Variants in TIAM2 observed in about 807,000 individuals in gnomAD.
The protein encoded by TIAM2 is rho guanine nucleotide exchange factor TIAM2.
Under a neutral mutation model 152.9 loss-of-function variants are expected in TIAM2, and 80 were observed. The observed-to-expected ratio is 0.52, with a 90% confidence interval of 0.44 to 0.63. TIAM2 has a LOEUF of 0.63. Among genes scored for constraint, TIAM2 ranks in the 30% least tolerant of loss-of-function variants. The pLI, the probability that TIAM2 is intolerant of heterozygous loss-of-function variation, is 0.00. For synonymous variants in TIAM2, 804 were observed against 838.0 expected (o/e 0.96, Z 0.70); for missense variants, 1,965 against 2,120.1 (o/e 0.93, Z 1.44).
intron 1 of TIAM2, among the ~76,000 whole-genome samples, chr6:154,999,243 C>T (rs1299518634): frequency 4.6e-5 from 7 of 151,960 alleles, no homozygotes; most frequent in Admixed American, 1.3e-4. Flanking sequence ...GACAGAGTCT[C>T]GCTCTGTCAC....
intron 15 of TIAM2, among the ~76,000 whole-genome samples, chr6:155,227,490 G>C (rs917191748): frequency 2.6e-5 from 4 of 152,154 alleles, no homozygotes; most frequent in Non-Finnish European, 4.4e-5. Flanking sequence ...CACGGATCGC[G>C]CCCAGCCCTG....
chr6:155,052,360 A>G (rs988136050), intron 1 of TIAM2, among the ~76,000 whole-genome samples: 3 of 152,166 alleles, frequency 2.0e-5, no homozygotes, highest in African/African-American at 4.8e-5. Flanking sequence ...TTAACATACA[A>G]TTTGAAATTA....
chr6:155,098,242 T>C (rs61106640), intron 2 of TIAM2, among the ~76,000 whole-genome samples: 2,110 of 152,318 alleles, frequency 0.014, 41 homozygotes, highest in African/African-American at 0.047. Context: ...AGGGATTGCA[T>C]TGAATCTGTA....
intron 9 of TIAM2, chr6:155,168,781 G>A (rs1780504250): frequency 7.5e-7 from 1 of 1,334,920 alleles, no homozygotes; most frequent in Non-Finnish European, 1.0e-6. Context: ...TAATGAAAAA[G>A]GGTAGCTGGC....
At chr6:155,001,021 G>A (rs1041641737) in intron 1 of TIAM2, among the ~76,000 whole-genome samples, 25 of 152,168 alleles carry the variant, frequency 1.6e-4, no homozygotes, top group African/African-American at 6.0e-4. Flanking sequence ...TTTCTTTTTA[G>A]ATTGTTGTGA....
At chr6:155,051,745 A>G (rs1342914840) in intron 1 of TIAM2, among the ~76,000 whole-genome samples, 1 of 152,056 alleles carries the variant, frequency 6.6e-6, no homozygotes, top group Non-Finnish European at 1.5e-5. Flanking sequence ...CCCAGGTTCA[A>G]GCAATTCTCC....
chr6:155,246,699 C>A (rs1427047581), intron 19 of TIAM2, among the ~76,000 whole-genome samples: 1 of 152,104 alleles, frequency 6.6e-6, no homozygotes, highest in Non-Finnish European at 1.5e-5. Context: ...CTTGTCAATA[C>A]ATATTGACAG....
intron 5 of TIAM2, among the ~76,000 whole-genome samples, chr6:155,141,598 G>A (rs1367525351): frequency 6.6e-6 from 1 of 152,136 alleles, no homozygotes; most frequent in Non-Finnish European, 1.5e-5. Context: ...TTTCAACAAG[G>A]GTAATTCTGC....
chr6:155,246,483 T>A (rs570426681), intron 19 of TIAM2, among the ~76,000 whole-genome samples: 69 of 152,052 alleles, frequency 4.5e-4, no homozygotes, highest in African/African-American at 1.5e-3. Flanking sequence ...TTTAATTAAA[T>A]TTAATTAATT....
intron 16 of TIAM2, among the ~76,000 whole-genome samples, chr6:155,241,075 G>A (rs887230330): frequency 6.6e-6 from 1 of 152,214 alleles, no homozygotes; most frequent in Non-Finnish European, 1.5e-5. Context: ...GTACATACGT[G>A]ACGGCTGATC....
chr6:155,114,507 G>A (rs1310403203), intron 2 of TIAM2, among the ~76,000 whole-genome samples: 1 of 151,930 alleles, frequency 6.6e-6, no homozygotes, highest in Non-Finnish European at 1.5e-5. Context: ...CACCCCCACA[G>A]CCATTTGGAG....
chr6:155,055,814 A>G (rs916365695), intron 1 of TIAM2, among the ~76,000 whole-genome samples: 1 of 151,636 alleles, frequency 6.6e-6, no homozygotes, highest in African/African-American at 2.4e-5. Context: ...AATAAAACAC[A>G]TTTTCAGGCA....
At chr6:155,098,461 T>C (rs1192627036) in intron 2 of TIAM2, among the ~76,000 whole-genome samples, 1 of 152,346 alleles carries the variant, frequency 6.6e-6, no homozygotes, top group East Asian at 1.9e-4. Context: ...ATTGCCTACT[T>C]GATTTCATTT....
rs750622974 is a variant in TIAM2, at chr6:155,245,700, C to T, written c.3621C>T (p.Asn1207=). The stretch of plus-strand genomic sequence containing the variant: ...AACTGTACAGTGGATTCTGTGCTAA[C>T]CATATCAAAGTACAGAAGGTTCTGG... ...HFKLYSGFCA[N]HIKVQKVLER... Residue 1207 remains asparagine (N), a synonymous_variant, in exon 19 of 27, where the codon AAC becomes AAT. Transcript: ENST00000682666. 2.5e-6 allele frequency: 4 copies of T among 1,612,828 alleles called. No homozygotes were observed. Among genetic ancestry groups the T allele is most frequent in the Non-Finnish European group, 2.5e-6 (3 of 1,179,506 alleles).
At chr6:155,225,323 G>A (rs1241383392) in intron 15 of TIAM2, among the ~76,000 whole-genome samples, 3 of 152,148 alleles carry the variant, frequency 2.0e-5, no homozygotes, top group East Asian at 1.9e-4. Flanking sequence ...CTGAGGGCCC[G>A]GGTGACACAC....
chr6:155,075,247 G>A (rs1275845571), intron 1 of TIAM2, among the ~76,000 whole-genome samples: 1 of 151,986 alleles, frequency 6.6e-6, no homozygotes, highest in East Asian at 1.9e-4. Context: ...TCAAAACTGT[G>A]CTAATGATCA....
At chr6:155,084,415 A>G (rs574338515) in intron 1 of TIAM2, among the ~76,000 whole-genome samples, 1 of 152,384 alleles carries the variant, frequency 6.6e-6, no homozygotes, top group South Asian at 2.1e-4. Context: ...TAACTAAAAA[A>G]TAGTGCTAAC....
rs529088321 is a variant in TIAM2 at position 155,174,969 on chromosome 6, C to G, written c.2362-1847C>G. ...GGGGCCTGCACCTTTAAGGCAGCAT[C>G]TGTTTGTTGCTAAGCACCGGGTTGA... On this transcript the variant is annotated intron_variant, in intron 9 of 26. Coordinates refer to ENST00000682666, the MANE Select transcript of TIAM2 (RefSeq NM_012454.4). This position sits in a 1 kb window ranked among gnomAD's most constrained non-coding sequence, Gnocchi z 4.2. 1.3e-5 allele frequency among the ~76,000 whole-genome samples: 2 copies of G among 152,296 alleles called. No homozygotes were observed. The highest frequency in any genetic ancestry group is 4.1e-4 in the South Asian group (2 of 4,824).
At chr6:155,099,629 T>G (rs1778509310) in intron 2 of TIAM2, among the ~76,000 whole-genome samples, 1 of 152,056 alleles carries the variant, frequency 6.6e-6, no homozygotes, top group South Asian at 2.1e-4. Context: ...TTCATAACAG[T>G]GTTGTGAGGT....
Sources: allele counts gnomAD v4.1 joint callset (sites outside exome capture counted in the v4.1 genomes callset), GRCh38; gene constraint gnomAD v4.1.1; non-coding constraint Gnocchi (gnomAD v3.1); transcripts MANE v1.5; gene names NCBI Gene and HGNC (gene_info 2026-07-23, HGNC 2026-07-21).